PRKN: variants seen among roughly 807,000 people sequenced by gnomAD.
PRKN encodes the protein E3 ubiquitin-protein ligase parkin.
Under a neutral mutation model 59.5 loss-of-function variants are expected in PRKN, and 56 were observed. The observed-to-expected ratio is 0.94, with a 90% confidence interval of 0.76 to 1.18. The LOEUF (loss-of-function observed/expected upper bound fraction) is 1.18. Ranked by LOEUF, PRKN falls within the 50% of genes most tolerant of loss-of-function variation. The probability of loss-of-function intolerance (pLI) is 0.00; values close to 1 mark genes in which losing one functional copy is unlikely to be tolerated. For missense variants in PRKN, 657 were observed against 596.4 expected, an observed-to-expected ratio of 1.10 and a Z score of -1.06; for synonymous variants, 250 against 222.1, an observed-to-expected ratio of 1.13 and a Z score of -1.12.
chr6:162,403,809 T>G (rs1479935346), intron 2 of PRKN, among the ~76,000 whole-genome samples: 1 of 152,116 alleles, frequency 6.6e-6, no homozygotes, highest in Non-Finnish European at 1.5e-5. Context: ...CATGGAGTTT[T>G]GTGGGAGGAA....
intron 4 of PRKN, among the ~76,000 whole-genome samples, chr6:162,175,319 C>T (rs1025498010): frequency 6.6e-6 from 1 of 152,120 alleles, no homozygotes; most frequent in African/African-American, 2.4e-5. Flanking sequence ...AAAAGTGAGC[C>T]AGGGGAGAAG....
chr6:162,707,694 C>A (rs1026329642), intron 1 of PRKN, among the ~76,000 whole-genome samples: 2 of 152,062 alleles, frequency 1.3e-5, no homozygotes, highest in Non-Finnish European at 2.9e-5. Context: ...CACGCCTCAG[C>A]CTCCTGAGTA....
At chr6:161,864,724 T>C (rs796330566) in intron 6 of PRKN, among the ~76,000 whole-genome samples, 6 of 152,298 alleles carry the variant, frequency 3.9e-5, no homozygotes, top group African/African-American at 1.4e-4. Context: ...TGGCATGATC[T>C]CAACTCACTG....
chr6:162,412,491 A>G (rs1788401384), intron 2 of PRKN, among the ~76,000 whole-genome samples: 2 of 152,104 alleles, frequency 1.3e-5, no homozygotes, highest in African/African-American at 4.8e-5. Flanking sequence ...CAGAAGAACA[A>G]CACGGGGTAA....
chr6:161,954,246 C>T (rs1790013), intron 6 of PRKN, among the ~76,000 whole-genome samples: 48,270 of 152,018 alleles, frequency 0.32, 8,339 homozygotes, highest in Non-Finnish European at 0.38. Context: ...TGTGCTGCAG[C>T]GCTGAGCAGT....
At chr6:162,282,984 TTCTC>T (rs964407541) in intron 2 of PRKN, among the ~76,000 whole-genome samples, 23 of 151,880 alleles carry the variant, frequency 1.5e-4, no homozygotes, top group African/African-American at 3.6e-4. Flanking sequence ...CTTTCTTTCT[TTCTC>T]TCTCTCTTTT....
intron 2 of PRKN, among the ~76,000 whole-genome samples, chr6:162,339,089 C>T (rs1238240657): frequency 1.4e-5 from 2 of 145,114 alleles, no homozygotes; most frequent in Admixed American, 6.7e-5. Context: ...GGAGCCCCTC[C>T]GACCGGCAGC....
intron 1 of PRKN, among the ~76,000 whole-genome samples, chr6:162,502,047 A>G (rs1207588187): frequency 6.6e-6 from 1 of 152,204 alleles, no homozygotes; most frequent in Non-Finnish European, 1.5e-5. Flanking sequence ...AAAATGCACC[A>G]TTTTGTTTGT....
At chr6:162,438,757 T>C (rs1043579698) in intron 2 of PRKN, among the ~76,000 whole-genome samples, 3 of 152,208 alleles carry the variant, frequency 2.0e-5, no homozygotes, top group African/African-American at 7.2e-5. Flanking sequence ...ACGTTGTGTG[T>C]TGGTGTGGGT....
At chr6:161,580,438 C>T (rs1781292262) in intron 7 of PRKN, among the ~76,000 whole-genome samples, 1 of 152,118 alleles carries the variant, frequency 6.6e-6, no homozygotes, top group African/African-American at 2.4e-5. Context: ...TCATCCTGCA[C>T]ACTTACATAA....
chr6:161,632,248 C>T (rs1239313081), intron 7 of PRKN, among the ~76,000 whole-genome samples: 1 of 151,948 alleles, frequency 6.6e-6, no homozygotes, highest in Admixed American at 6.6e-5. Context: ...TAGATGGGGC[C>T]TAAGGTTACA....
chr6:162,262,683 C>A lies in PRKN; in HGVS notation c.254G>T (p.Gly85Val). 1 of 1,613,390 alleles carries A rather than the reference C, an allele frequency of 6.2e-7. No individual in the cohort carries two copies. The highest frequency in any genetic ancestry group is 2.2e-5 in the East Asian group (1 of 44,844). ...RKGQEMNATGGDDPRNAAGGC... is the reference protein window; with the variant it reads ...RKGQEMNATGVDDPRNAAGGC... ...TCCCGCCGCGTTTCTGGGGTCGTCG[C>A]CTCCAGTTGCATTCATTTCTTGACC... The change falls in exon 3 of 12, where the codon GGC becomes GTC. Residue 85 changes from glycine (G) to valine (V), a missense_variant. Gly to Val is a moderately radical substitution (Grantham distance 109, BLOSUM62 -3). Coordinates refer to ENST00000366898, the MANE Select transcript of PRKN (RefSeq NM_004562.3).
At chr6:161,368,701 A>AACTCC (rs1005840372) in intron 10 of PRKN, among the ~76,000 whole-genome samples, 1 of 146,040 alleles carries the variant, frequency 6.8e-6, no homozygotes, top group African/African-American at 2.6e-5. Flanking sequence ...CCAGCACTGC[A>AACTCC]ACTCCACTCC....
At chr6:162,490,098 C>A (rs73035881) in intron 1 of PRKN, among the ~76,000 whole-genome samples, 3,082 of 152,166 alleles carry the variant, frequency 0.02, 46 homozygotes, top group Non-Finnish European at 0.033. Flanking sequence ...CCTGCAGAGT[C>A]CTTGGAAGCG....
chr6:161,729,499 T>C (rs150719140), intron 7 of PRKN, among the ~76,000 whole-genome samples: 1 of 152,290 alleles, frequency 6.6e-6, no homozygotes, highest in East Asian at 1.9e-4. Context: ...GAATAATCAA[T>C]TCAAAAAATG....
At chr6:162,334,206 G>C (rs1783724159) in intron 2 of PRKN, among the ~76,000 whole-genome samples, 1 of 152,214 alleles carries the variant, frequency 6.6e-6, no homozygotes, top group Non-Finnish European at 1.5e-5. Context: ...AAGTTATCCA[G>C]AGCATCTAGC....
At chr6:162,474,789 G>A (rs1351070498) in intron 1 of PRKN, among the ~76,000 whole-genome samples, 1 of 152,110 alleles carries the variant, frequency 6.6e-6, no homozygotes, top group African/African-American at 2.4e-5. Flanking sequence ...CCAAAGCAGA[G>A]ATAAGGCTAC....
At chr6:161,921,736 T>A (rs1488759170) in intron 6 of PRKN, among the ~76,000 whole-genome samples, 2 of 152,330 alleles carry the variant, frequency 1.3e-5, no homozygotes, top group East Asian at 3.9e-4. Context: ...AAAATCATCA[T>A]CAGTGTAGCC....
At chr6:162,022,306 C>T (rs1044197865) in intron 5 of PRKN, among the ~76,000 whole-genome samples, 1 of 152,194 alleles carries the variant, frequency 6.6e-6, no homozygotes, top group Non-Finnish European at 1.5e-5. Context: ...CGCCCACCAA[C>T]AGTGTATAAG....
Sources: gnomAD v4.1 joint callset for allele counts (sites outside exome capture counted in the v4.1 genomes callset) on GRCh38, gnomAD v4.1.1 for gene constraint, MANE v1.5 for transcripts, NCBI Gene and HGNC (gene_info 2026-07-23, HGNC 2026-07-21) for gene names.